Variants in FNDC1 observed in about 807,000 individuals in gnomAD.
The protein encoded by FNDC1 is fibronectin type III domain containing 1.
FNDC1 carries 96 observed loss-of-function variants against 168.0 expected under a neutral mutation model. The ratio of observed to expected loss-of-function variants is 0.57; its 90% CI spans 0.48 to 0.68. The LOEUF (loss-of-function observed/expected upper bound fraction) is 0.68. FNDC1 is among the 30% of genes least tolerant of loss of function. The pLI, the probability that FNDC1 is intolerant of heterozygous loss-of-function variation, is 0.00. For synonymous variants in FNDC1, 1,099 were observed against 1,025.9 expected, an observed-to-expected ratio of 1.07 and a Z score of -1.36; for missense variants, 2,587 against 2,482.1, an observed-to-expected ratio of 1.04 and a Z score of -0.90.
rs1156890248 is a variant in FNDC1 at position 159,232,033 on chromosome 6, T to C, written c.1521T>C (p.Leu507=). 5.0e-6 allele frequency: 8 copies of C among 1,613,936 alleles called. No homozygotes were observed. The South Asian group carries it at 8.8e-5, about 18-fold the overall frequency. The change falls in exon 11 of 23, where the codon CTT becomes CTC. Residue 507 remains leucine, a synonymous_variant. Transcript: ENST00000297267. The surrounding 1 kb of genome is among the most constrained non-coding windows in gnomAD (Gnocchi z 4.9). ...PQGRNAKDLL[L]DLKNKILANG... ...GGAGAAATGCCAAGGACCTTCTTCT[T>C]GACTTGAAGAACAAAATATTGGCTA... is the stretch of plus-strand genomic sequence containing the variant.
At chr6:159,208,992 T>C (rs1370294110) in intron 4 of FNDC1, among the ~76,000 whole-genome samples, 1 of 151,888 alleles carries the variant, frequency 6.6e-6, no homozygotes, top group Non-Finnish European at 1.5e-5. Context: ...GGATTACAGG[T>C]GCATGCCACC....
intron 16 of FNDC1, among the ~76,000 whole-genome samples, chr6:159,250,894 T>C (rs1411071207): frequency 6.6e-6 from 1 of 152,142 alleles, no homozygotes; most frequent in African/African-American, 2.4e-5. Flanking sequence ...TTTTTCCTGG[T>C]CCCAAGATAG....
chr6:159,196,744 TTA>T (rs894754468), intron 1 of FNDC1, among the ~76,000 whole-genome samples: 1 of 152,254 alleles, frequency 6.6e-6, no homozygotes, highest in African/African-American at 2.4e-5. Context: ...TGACAAAATG[TTA>T]TGTTTCACTT....
intron 19 of FNDC1, among the ~76,000 whole-genome samples, chr6:159,263,879 T>C (rs824140): frequency 0.88 from 133,728 of 152,258 alleles, 58,791 homozygotes; most frequent in East Asian, 0.99. Context: ...CACTTGAACC[T>C]AGGAGGTGGA....
chr6:159,175,528 A>G (rs962363876), intron 1 of FNDC1, among the ~76,000 whole-genome samples: 20 of 152,186 alleles, frequency 1.3e-4, no homozygotes, highest in African/African-American at 4.1e-4. Context: ...TCCTGAGTTT[A>G]CTTCTGTAAC....
At chr6:159,204,844 G>C (rs1435633576) in intron 4 of FNDC1, among the ~76,000 whole-genome samples, 1 of 152,200 alleles carries the variant, frequency 6.6e-6, no homozygotes, top group Non-Finnish European at 1.5e-5. Flanking sequence ...TTATGCCACA[G>C]TGGCTAGTCC....
chr6:159,177,437 T>C (rs139449760), intron 1 of FNDC1, among the ~76,000 whole-genome samples: 1 of 152,214 alleles, frequency 6.6e-6, no homozygotes, highest in Non-Finnish European at 1.5e-5. Context: ...CAGTCACCCA[T>C]GGCGGAACTC....
At chr6:159,240,391 T>C (rs1309376614) in intron 14 of FNDC1, among the ~76,000 whole-genome samples, 1 of 152,252 alleles carries the variant, frequency 6.6e-6, no homozygotes, top group African/African-American at 2.4e-5. Flanking sequence ...TGATTAGCTA[T>C]GTGATTTAAA....
rs770930755 is a variant in FNDC1 at position 159,261,194 on chromosome 6, T to C, written c.5179T>C (p.Tyr1727His). Residue 1727 changes from tyrosine to histidine, a missense_variant, in exon 19 of 23, where the codon TAT becomes CAT. By Grantham distance (83) the Tyr-to-His change is moderately conservative. Coordinates refer to ENST00000297267, the MANE Select transcript of FNDC1 (RefSeq NM_032532.3). ...IENLKPNTRY[Y>H]FKVQAQNPHG... ...TATATCTTCTTCCAACTTCAGGTAT[T>C]ATTTTAAAGTGCAAGCACAAAATCC... 5.6e-6 allele frequency: 9 copies of C among 1,607,496 alleles called. No individual in the cohort carries two copies. The East Asian group carries it at 1.1e-4, about 20-fold the overall frequency.
intron 17 of FNDC1, among the ~76,000 whole-genome samples, chr6:159,254,558 A>G (rs983929086): frequency 6.6e-6 from 1 of 152,048 alleles, no homozygotes; most frequent in African/African-American, 2.4e-5. Context: ...ATACAAAAAA[A>G]TTAGCTGGGC....
chr6:159,250,881 G>T (rs1777243299), intron 16 of FNDC1, among the ~76,000 whole-genome samples: 1 of 152,178 alleles, frequency 6.6e-6, no homozygotes, highest in South Asian at 2.1e-4. Context: ...GATCAGTATA[G>T]ATTTTTTCCT....
chr6:159,256,330 C>T (rs561183424), intron 17 of FNDC1, among the ~76,000 whole-genome samples, 193 bp from the exon 18 acceptor site: 1 of 152,274 alleles, frequency 6.6e-6, no homozygotes, highest in Admixed American at 6.5e-5. Flanking sequence ...GTTTTGTCAT[C>T]CCCATCTGGA....
At chr6:159,268,342 C>T (rs1317695513) in intron 22 of FNDC1, among the ~76,000 whole-genome samples, 1 of 152,160 alleles carries the variant, frequency 6.6e-6, no homozygotes, top group Non-Finnish European at 1.5e-5. Flanking sequence ...CAGTCTAGCA[C>T]CCTTTTGATT....
intron 18 of FNDC1, among the ~76,000 whole-genome samples, chr6:159,259,122 T>C (rs1005809788): frequency 6.6e-6 from 1 of 152,198 alleles, no homozygotes; most frequent in Non-Finnish European, 1.5e-5. Context: ...CAGAAACTTA[T>C]ATAAGAAGGC....
chr6:159,182,870 T>A (rs1461511153), intron 1 of FNDC1, among the ~76,000 whole-genome samples: 1 of 152,232 alleles, frequency 6.6e-6, no homozygotes, highest in Admixed American at 6.5e-5. Context: ...TGAATCAGAT[T>A]ATCTAAGTTT....
chr6:159,233,154 A>T lies in FNDC1; in HGVS notation c.2642A>T (p.Asp881Val), dbSNP rs373262278. The T allele has an allele frequency of 6.2e-7, 1 of 1,606,866 alleles. No individual in the cohort carries two copies. Among genetic ancestry groups the T allele is most frequent in the Non-Finnish European group, 8.5e-7 (1 of 1,176,970 alleles). Residue 881 changes from aspartate to valine, a missense_variant, in exon 11 of 23, where the codon GAT (aspartate) becomes GTT (valine). Transcript: ENST00000297267. The surrounding 1 kb of genome is among the most constrained non-coding windows in gnomAD (Gnocchi z 4.6). ...TCAGGTATCCATGGAGACGAGGAGG[A>T]TGAGAAGCCGCTTCCTGCCACCGTT... ...LSSGIHGDEE[D>V]EKPLPATVVN...
intron 1 of FNDC1, among the ~76,000 whole-genome samples, chr6:159,191,780 A>G (rs1782146326): frequency 6.6e-6 from 1 of 152,232 alleles, no homozygotes; most frequent in Non-Finnish European, 1.5e-5. Flanking sequence ...GGCTAAAATC[A>G]GTGCATTTCA....
At chr6:159,236,373 T>C in intron 12 of FNDC1, 58 bp downstream of exon 12, 1 of 1,132,140 alleles carries the variant, frequency 8.8e-7, no homozygotes, top group Non-Finnish European at 1.3e-6. Context: ...AAGAGAAAAA[T>C]GGTGGACATT....
intron 4 of FNDC1, among the ~76,000 whole-genome samples, chr6:159,204,184 C>T (rs1247228071): frequency 1.3e-5 from 2 of 152,186 alleles, no homozygotes; most frequent in East Asian, 1.9e-4. Context: ...TGCTGCGTGA[C>T]AATCGCTTGC....
Sources: gnomAD v4.1 joint callset for allele counts (sites outside exome capture counted in the v4.1 genomes callset) on GRCh38, gnomAD v4.1.1 for gene constraint, Gnocchi (gnomAD v3.1) non-coding constraint, MANE v1.5 for transcripts, NCBI Gene and HGNC (gene_info 2026-07-23, HGNC 2026-07-21) for gene names.